The following TENM4 variants were observed in gnomAD, a reference collection of about 807,000 sequenced individuals.
TENM4 encodes the protein teneurin transmembrane protein 4.
A neutral mutation model predicts 243.3 loss-of-function variants in TENM4; 82 were observed. That is an observed-to-expected ratio of 0.34 (90% CI 0.28 to 0.40). TENM4 has a LOEUF of 0.40. TENM4 is among the 10% of genes least tolerant of loss of function. The pLI, the probability that TENM4 is intolerant of heterozygous loss-of-function variation, is 1.00. For synonymous variants in TENM4, 1,412 were observed against 1,456.3 expected (o/e 0.97, Z 0.69); for missense variants, 3,138 against 3,673.3 (o/e 0.85, Z 3.77).
chr11:78,747,580 C>T (rs1029708865), intron 19 of TENM4, among the ~76,000 whole-genome samples: 6 of 152,076 alleles, frequency 3.9e-5, no homozygotes, highest in East Asian at 3.9e-4. Context: ...AGGGGAGGCA[C>T]GAGGGGCTGG....
intron 3 of TENM4, among the ~76,000 whole-genome samples, chr11:79,173,073 C>T (rs1267408055): frequency 6.6e-6 from 1 of 152,166 alleles, no homozygotes; most frequent in East Asian, 1.9e-4. Flanking sequence ...CTCTACTGTA[C>T]CAAGAATCAA....
intron 1 of TENM4, among the ~76,000 whole-genome samples, chr11:79,389,201 G>T (rs1384633859): frequency 6.6e-6 from 1 of 152,158 alleles, no homozygotes; most frequent in African/African-American, 2.4e-5. Flanking sequence ...CATCCCCCAG[G>T]CTGGAGTGCA....
intron 6 of TENM4, among the ~76,000 whole-genome samples, chr11:78,982,959 T>C (rs1857834638): frequency 6.6e-6 from 1 of 152,208 alleles, no homozygotes. Flanking sequence ...GACCACACAG[T>C]GGCCTGGGTC....
In TENM4 at chr11:78,702,180, T is replaced by C. The variant is rs200630789; in HGVS notation, c.4433A>G (p.Asn1478Ser). The C allele has an allele frequency of 8.4e-5, 135 of 1,613,862 alleles. No individual in the cohort carries two copies. In the African/African-American group the frequency reaches 1.7e-3, roughly 21 times the overall value. ...AGTCTCAGCAATATACAGGACCCCA[T>C]TGTGTGAAACAGCCAAAGCGGTGGC... ...ESATALAVSH[N>S]GVLYIAETDE... is the part of the protein sequence containing the mutation. The change falls in exon 28 of 34, where the codon AAT (asparagine) becomes AGT (serine). Residue 1478 changes from asparagine to serine, a missense_variant. Asn to Ser is a conservative substitution (Grantham distance 46). This residue lies in a region of TENM4 where 2,467 missense variants were observed against 3,059.1 expected (regional missense o/e 0.81). Coordinates refer to ENST00000278550, the MANE Select transcript of TENM4 (RefSeq NM_001098816.3).
chr11:79,345,116 G>A (rs904761032), intron 1 of TENM4, among the ~76,000 whole-genome samples: 3 of 152,322 alleles, frequency 2.0e-5, no homozygotes, highest in African/African-American at 7.2e-5. Context: ...CTCAGCGGAT[G>A]CTGGTAATGT....
At chr11:79,117,303 G>C (rs1861643403) in intron 4 of TENM4, among the ~76,000 whole-genome samples, 1 of 152,112 alleles carries the variant, frequency 6.6e-6, no homozygotes, top group Non-Finnish European at 1.5e-5. Flanking sequence ...AATTCTTTTT[G>C]TATTCAAGGG....
intron 2 of TENM4, among the ~76,000 whole-genome samples, chr11:79,238,652 TAATA>T (rs1192953993): frequency 6.6e-6 from 1 of 151,832 alleles, no homozygotes; most frequent in Non-Finnish European, 1.5e-5. Flanking sequence ...CAAACCTTCA[TAATA>T]AATCTCTTTC....
intron 4 of TENM4, among the ~76,000 whole-genome samples, chr11:79,148,223 G>T (rs1862429678): frequency 6.6e-6 from 1 of 152,144 alleles, no homozygotes; most frequent in South Asian, 2.1e-4. Context: ...AACAAGAAAA[G>T]ATCTTGAGGA....
At chr11:78,914,729 A>G (rs965013338) in intron 6 of TENM4, among the ~76,000 whole-genome samples, 1 of 152,172 alleles carries the variant, frequency 6.6e-6, no homozygotes, top group Non-Finnish European at 1.5e-5. Context: ...GGGAACTGCC[A>G]CTGTGTCTTC....
chr11:79,046,498 G>T (rs1184451788), intron 6 of TENM4, among the ~76,000 whole-genome samples: 2 of 152,160 alleles, frequency 1.3e-5, no homozygotes, highest in Non-Finnish European at 2.9e-5. Context: ...ACTTCCAGAT[G>T]TGACCTTATT....
Position 78,771,072 on chromosome 11 carries a change from A to C in TENM4, c.2459T>G (p.Val820Gly), listed in dbSNP as rs1423092663. Residue 820 changes from valine (V) to glycine (G), a missense_variant, in exon 18 of 34, where the codon GTC becomes GGC. Physicochemically the swap from Val to Gly is moderately radical, Grantham distance 109 (BLOSUM62 -3). Transcript: ENST00000278550. ...AGCTCCTCTCCAGCCCAGCTGGCAGACGCAGTGCCAACCATTCAGGTCTAA... is the reference window on the plus strand; with the variant it reads ...AGCTCCTCTCCAGCCCAGCTGGCAGCCGCAGTGCCAACCATTCAGGTCTAA... The part of the protein sequence containing the change: ...CTLDLNGWHC[V>G]CQLGWRGAGC... 1.3e-6 allele frequency: 2 copies of C among 1,577,338 alleles called. No individual in the cohort carries two copies. The highest frequency in any genetic ancestry group is 2.7e-5 in the African/African-American group (2 of 74,054).
At chr11:78,846,804 G>A (rs1403693708) in intron 12 of TENM4, among the ~76,000 whole-genome samples, 1 of 152,218 alleles carries the variant, frequency 6.6e-6, no homozygotes, top group Non-Finnish European at 1.5e-5. Context: ...GTTGGTCTTT[G>A]TTGAACCAAA....
intron 26 of TENM4, among the ~76,000 whole-genome samples, chr11:78,708,984 T>TTTTAA (rs59432159): frequency 2.1e-5 from 3 of 145,246 alleles, no homozygotes; most frequent in Admixed American, 6.8e-5. Context: ...TTTTTTTTTT[T>TTTTAA]AAAAAAAGAG....
chr11:78,805,212 G>T lies in TENM4; in HGVS notation c.2179+80C>A, dbSNP rs939834260. On this transcript the variant is annotated intron_variant, in intron 15 of 33. Coordinates refer to ENST00000278550, the MANE Select transcript of TENM4 (RefSeq NM_001098816.3). ...CGGGGAATGCATTGCTACGTGATTG[G>T]GAACAGTCACGTGATTGGTGACCAT... The T allele has an allele frequency of 2.1e-5, 14 of 670,470 alleles. No homozygotes were observed. In the South Asian group the frequency reaches 3.2e-4, roughly 15 times the overall value. The allele number at this position is 670,470 out of a possible 1,614,324, so 41.5% of individuals were successfully genotyped here.
At chr11:78,942,210 T>C (rs1856912958) in intron 6 of TENM4, among the ~76,000 whole-genome samples, 1 of 134,446 alleles carries the variant, frequency 7.4e-6, no homozygotes, top group Non-Finnish European at 1.5e-5. Context: ...CTCAGGAGTT[T>C]GAGACCAGCC....
intron 1 of TENM4, among the ~76,000 whole-genome samples, chr11:79,314,630 G>C (rs1358857923): frequency 6.6e-6 from 1 of 152,228 alleles, no homozygotes; most frequent in Non-Finnish European, 1.5e-5. Flanking sequence ...AGTTTGGCTA[G>C]TCATATTAGT....
intron 1 of TENM4, chr11:79,422,357 T>C (rs1858952866): frequency 6.6e-6 from 1 of 152,074 alleles, no homozygotes; most frequent in Non-Finnish European, 1.5e-5. Context: ...AGACCAGAGT[T>C]TGAATCCTGA....
intron 2 of TENM4, among the ~76,000 whole-genome samples, chr11:79,235,325 T>A (rs1395841788): frequency 2.0e-5 from 3 of 151,212 alleles, no homozygotes; most frequent in Non-Finnish European, 4.4e-5. Flanking sequence ...CAAAAAAAAA[T>A]GAAGTCTCCC....
At chr11:79,250,994 C>G (rs533932296) in intron 2 of TENM4, among the ~76,000 whole-genome samples, 2 of 152,150 alleles carry the variant, frequency 1.3e-5, no homozygotes, top group Admixed American at 1.3e-4. Context: ...TCTCTTCCCA[C>G]CAAAACTATA....
Sources: allele counts gnomAD v4.1 joint callset (sites outside exome capture counted in the v4.1 genomes callset), GRCh38; gene constraint gnomAD v4.1.1; regional missense constraint gnomAD v4.1.1; transcripts MANE v1.5; gene names NCBI Gene and HGNC (gene_info 2026-07-23, HGNC 2026-07-21).